KLF8: variants seen among roughly 807,000 people sequenced by gnomAD.
KLF8 encodes KLF transcription factor 8, also known as Krueppel-like factor 8.
A neutral mutation model predicts 18.2 loss-of-function variants in KLF8; 10 were observed. The ratio of observed to expected loss-of-function variants is 0.55; its 90% CI spans 0.34 to 0.93. KLF8 has a LOEUF of 0.93. KLF8 is among the 40% of genes least tolerant of loss of function. KLF8 has a pLI of 0.02. For synonymous variants in KLF8, 109 were observed against 97.3 expected (o/e 1.12, Z -0.71); for missense variants, 264 against 277.9 (o/e 0.95, Z 0.36).
the KLF8 span, among the ~76,000 whole-genome samples, chrX:56,167,827 T>G: frequency 7.1e-5 from 8 of 112,440 alleles, no homozygotes; most frequent in African/African-American, 2.6e-4. Flanking sequence ...ATGTACTACC[T>G]CTTGATGACC....
chrX:56,079,678 T>C, the KLF8 span, among the ~76,000 whole-genome samples: 1 of 111,538 alleles, frequency 9.0e-6, no homozygotes, highest in Admixed American at 9.5e-5. Flanking sequence ...CAGAGCTGAG[T>C]TCAATTCCTG....
upstream of KLF8, among the ~76,000 whole-genome samples, chrX:56,228,978 G>T (rs2066385028): frequency 9.0e-6 from 1 of 111,309 alleles, no homozygotes; most frequent in South Asian, 3.8e-4. Flanking sequence ...CCCAGCTGAG[G>T]TCCTAACTCC....
the KLF8 span, among the ~76,000 whole-genome samples, chrX:55,972,899 A>C: frequency 8.9e-6 from 1 of 112,247 alleles, no homozygotes; most frequent in Non-Finnish European, 1.9e-5. Context: ...AAAGAACCTG[A>C]ATAGCCAAAG....
chrX:56,004,086 G>A, the KLF8 span, among the ~76,000 whole-genome samples: 1 of 112,182 alleles, frequency 8.9e-6, no homozygotes, highest in Non-Finnish European at 1.9e-5. Context: ...TGTAGCAGGA[G>A]TAGAAGCTCC....
At chrX:56,049,828 C>T in the KLF8 span, among the ~76,000 whole-genome samples, 40 of 109,099 alleles carry the variant, frequency 3.7e-4, no homozygotes, top group Non-Finnish European at 3.4e-4. Context: ...ATTGGAATAG[C>T]TTCAGAAGGA....
the KLF8 span, among the ~76,000 whole-genome samples, chrX:55,948,929 C>T: frequency 8.9e-6 from 1 of 112,191 alleles, no homozygotes; most frequent in South Asian, 3.7e-4. Context: ...GTTATTCTAG[C>T]AATAATTATT....
the KLF8 span, among the ~76,000 whole-genome samples, chrX:55,953,182 C>T: frequency 9.0e-6 from 1 of 111,339 alleles, no homozygotes; most frequent in Non-Finnish European, 1.9e-5. Context: ...TCTTGGAGCT[C>T]ACATTCTCGA....
the KLF8 span, among the ~76,000 whole-genome samples, chrX:56,117,210 C>G: frequency 8.9e-6 from 1 of 112,068 alleles, no homozygotes; most frequent in Non-Finnish European, 1.9e-5. Context: ...TAACACATTT[C>G]AGTACAAGTA....
chrX:56,032,939 C>T, the KLF8 span, among the ~76,000 whole-genome samples: 2 of 112,099 alleles, frequency 1.8e-5, no homozygotes, highest in South Asian at 3.7e-4. Flanking sequence ...TTTAAAATTT[C>T]TCAGTCCTAC....
At chrX:56,093,935 G>A in the KLF8 span, among the ~76,000 whole-genome samples, 1 of 104,912 alleles carries the variant, frequency 9.5e-6, no homozygotes, top group Non-Finnish European at 1.9e-5. Context: ...GTGTGTGTGT[G>A]TGTGTGTGTG....
the KLF8 span, among the ~76,000 whole-genome samples, chrX:56,142,138 A>T: frequency 1.8e-5 from 2 of 111,293 alleles, no homozygotes; most frequent in African/African-American, 6.5e-5. Context: ...CGTGGAACCT[A>T]TGAAGTAAAC....
the KLF8 span, among the ~76,000 whole-genome samples, chrX:56,054,344 C>T: frequency 9.0e-6 from 1 of 111,190 alleles, no homozygotes; most frequent in Non-Finnish European, 1.9e-5. Context: ...TCATCATTTA[C>T]CCAAACATCA....
chrX:56,141,420 A>G, the KLF8 span, among the ~76,000 whole-genome samples: 1 of 111,624 alleles, frequency 9.0e-6, no homozygotes, highest in African/African-American at 3.2e-5. Flanking sequence ...TCCCAAATGA[A>G]TAGCTGGTTT....
the KLF8 span, among the ~76,000 whole-genome samples, chrX:56,075,821 C>T: frequency 2.7e-5 from 3 of 112,025 alleles, no homozygotes; most frequent in East Asian, 8.4e-4. Flanking sequence ...TCCAGTTCCA[C>T]CCAGTTGTTG....
chrX:55,990,870 C>A, the KLF8 span, among the ~76,000 whole-genome samples: 1 of 111,381 alleles, frequency 9.0e-6, no homozygotes, highest in East Asian at 2.8e-4. Context: ...AGTTTTGTCT[C>A]AGAGGAGTAC....
chrX:56,014,841 G>A, the KLF8 span: 2 of 6,350 alleles, frequency 3.1e-4, no homozygotes, highest in Non-Finnish European at 6.4e-4. Context: ...TTTTTTTTTT[G>A]CAGAGATGTG....
chrX:56,007,714 C>G, the KLF8 span, among the ~76,000 whole-genome samples: 24 of 111,191 alleles, frequency 2.2e-4, no homozygotes, highest in Admixed American at 2.2e-3. Flanking sequence ...AGTAAACCAT[C>G]TTTGAAAAAA....
the KLF8 span, among the ~76,000 whole-genome samples, chrX:56,048,593 T>C: frequency 1.8e-5 from 2 of 111,802 alleles, no homozygotes; most frequent in African/African-American, 6.5e-5. Flanking sequence ...TGCGGCATTA[T>C]TTATGAGGGT....
intron 1 of KLF8, among the ~76,000 whole-genome samples, chrX:56,235,731 A>G (rs2066467041): frequency 9.0e-6 from 1 of 111,298 alleles, no homozygotes; most frequent in South Asian, 3.8e-4. Flanking sequence ...TGATTTTTAT[A>G]TGCTAATGTT....
Sources: gnomAD v4.1 joint callset for allele counts (sites outside exome capture counted in the v4.1 genomes callset) on GRCh38, gnomAD v4.1.1 for gene constraint, MANE v1.5 for transcripts, NCBI Gene and HGNC (gene_info 2026-07-23, HGNC 2026-07-21) for gene names.